Variants in KCND2 observed in about 807,000 individuals in gnomAD.
KCND2 encodes potassium voltage-gated channel subfamily D member 2, also known as A-type voltage-gated potassium channel KCND2.
Under a neutral mutation model 54.4 loss-of-function variants are expected in KCND2, and 16 were observed. The observed-to-expected ratio is 0.29, with a 90% CI of 0.20 to 0.45. KCND2 has a LOEUF of 0.45. Ranked by LOEUF, KCND2 falls within the 20% of genes least tolerant of loss-of-function variation. The probability of loss-of-function intolerance (pLI) is 1.00; values close to 1 mark genes in which losing one functional copy is unlikely to be tolerated. For synonymous variants in KCND2, 317 were observed against 310.7 expected, an observed-to-expected ratio of 1.02 and a Z score of -0.21; for missense variants, 486 against 824.2, an observed-to-expected ratio of 0.59 and a Z score of 5.02.
chr7:120,523,549 A>G (rs1367985866), intron 1 of KCND2, among the ~76,000 whole-genome samples: 1 of 149,970 alleles, frequency 6.7e-6, no homozygotes, highest in South Asian at 2.1e-4. Context: ...AAGTGGAAAA[A>G]AATTGCTATT....
chr7:120,688,257 T>C (rs1188371122), intron 1 of KCND2, among the ~76,000 whole-genome samples: 1 of 152,150 alleles, frequency 6.6e-6, no homozygotes, highest in African/African-American at 2.4e-5. Context: ...AGTAAATATT[T>C]TCACTTTTGT....
At chr7:120,493,994 G>T (rs962121872) in intron 1 of KCND2, among the ~76,000 whole-genome samples, 2 of 151,844 alleles carry the variant, frequency 1.3e-5, no homozygotes, top group African/African-American at 4.8e-5. Context: ...CTTATAAAAT[G>T]GTAAAGTCAT....
intron 1 of KCND2, 137 bp downstream of exon 1, chr7:120,275,884 T>C (rs994324049): frequency 1.0e-6 from 1 of 964,464 alleles, no homozygotes; most frequent in African/African-American, 1.6e-5. Flanking sequence ...CTAAATGGTT[T>C]GGCAAAACTC....
rs185775307 is a variant in KCND2, at chr7:120,328,909, G to A, written c.1115+53162G>A. On this transcript the variant is annotated intron_variant, in intron 1 of 5. Coordinates refer to ENST00000331113, the MANE Select transcript of KCND2 (RefSeq NM_012281.3). ...CTTTCAGTATTATTTAACAAATCAT[G>A]TTTTTATCTCTCTAAAGTCATTTGG... is the stretch of plus-strand genomic sequence containing the variant. Among the ~76,000 whole-genome samples the A allele has an allele frequency of 7.2e-5, 11 of 152,086 alleles. No homozygotes were observed. The East Asian group carries it at 2.1e-3, about 29-fold the overall frequency.
intron 1 of KCND2, among the ~76,000 whole-genome samples, chr7:120,308,832 C>T (rs1799686367): frequency 6.6e-6 from 1 of 152,066 alleles, no homozygotes; most frequent in Non-Finnish European, 1.5e-5. Flanking sequence ...CTGAATAAAG[C>T]AAATAAAGGA....
intron 1 of KCND2, among the ~76,000 whole-genome samples, chr7:120,651,760 C>G (rs1227061625): frequency 2.0e-5 from 3 of 152,222 alleles, no homozygotes; most frequent in Admixed American, 2.0e-4. Flanking sequence ...CTTCCTTTTT[C>G]TAAATTTAAA....
At chr7:120,315,851 A>T (rs73431905) in intron 1 of KCND2, among the ~76,000 whole-genome samples, 3,184 of 151,342 alleles carry the variant, frequency 0.021, 127 homozygotes, top group African/African-American at 0.073. Flanking sequence ...AGTGAGATGG[A>T]CTAAAAATTT....
At chr7:120,507,627 G>A (rs1469898181) in intron 1 of KCND2, among the ~76,000 whole-genome samples, 1 of 151,796 alleles carries the variant, frequency 6.6e-6, no homozygotes, top group Non-Finnish European at 1.5e-5. Context: ...TAGAATATGA[G>A]GTGACCTTAA....
chr7:120,619,921 A>C (rs781374633), intron 1 of KCND2, among the ~76,000 whole-genome samples: 9 of 152,176 alleles, frequency 5.9e-5, no homozygotes, highest in Non-Finnish European at 1.2e-4. Flanking sequence ...TATCATCCCT[A>C]GTCACGATGG....
chr7:120,546,964 C>T (rs1386643636), intron 1 of KCND2, among the ~76,000 whole-genome samples: 1 of 151,430 alleles, frequency 6.6e-6, no homozygotes, highest in African/African-American at 2.4e-5. Context: ...AATTTTTCTC[C>T]TCTGTCTCAC....
intron 1 of KCND2, among the ~76,000 whole-genome samples, chr7:120,533,442 A>G (rs2116367796): frequency 6.6e-6 from 1 of 152,248 alleles, no homozygotes; most frequent in East Asian, 1.9e-4. Flanking sequence ...AAGGATTTCT[A>G]ACATTTAAAA....
chr7:120,289,599 T>G (rs140594020), intron 1 of KCND2, among the ~76,000 whole-genome samples: 109 of 152,136 alleles, frequency 7.2e-4, no homozygotes, highest in African/African-American at 2.6e-3. Context: ...TACCTTACAC[T>G]TCTACCAAAG....
chr7:120,363,169 G>A (rs1479156338), intron 1 of KCND2, among the ~76,000 whole-genome samples: 1 of 152,090 alleles, frequency 6.6e-6, no homozygotes, highest in African/African-American at 2.4e-5. Flanking sequence ...GGTGGTGCAT[G>A]CCTGTAGTCA....
At chr7:120,639,513 C>T (rs565383402) in intron 1 of KCND2, among the ~76,000 whole-genome samples, 29 of 152,142 alleles carry the variant, frequency 1.9e-4, no homozygotes, top group Non-Finnish European at 4.0e-4. Context: ...GGGAAAAAAG[C>T]TGCATGTTCC....
chr7:120,650,561 C>T (rs1246028746), intron 1 of KCND2, among the ~76,000 whole-genome samples: 2 of 143,594 alleles, frequency 1.4e-5, no homozygotes, highest in Non-Finnish European at 3.0e-5. Context: ...TGGGTTCGAA[C>T]TTCCTCCTTT....
chr7:120,349,968 T>C (rs1243016827), intron 1 of KCND2, among the ~76,000 whole-genome samples: 2 of 152,058 alleles, frequency 1.3e-5, no homozygotes, highest in Non-Finnish European at 2.9e-5. Context: ...TTAATTATTT[T>C]TGATATGTAT....
chr7:120,677,589 A>T (rs1792083215), intron 1 of KCND2, among the ~76,000 whole-genome samples: 1 of 150,224 alleles, frequency 6.7e-6, no homozygotes, highest in Non-Finnish European at 1.5e-5. Context: ...AGATATATAA[A>T]ATACTCAATG....
At chr7:120,484,761 C>T (rs979574308) in intron 1 of KCND2, among the ~76,000 whole-genome samples, 6 of 150,450 alleles carry the variant, frequency 4.0e-5, no homozygotes, top group African/African-American at 7.4e-5. Flanking sequence ...TGAAGAAAAA[C>T]GTAAATTGAG....
intron 1 of KCND2, among the ~76,000 whole-genome samples, chr7:120,630,249 G>T (rs1793217019): frequency 1.3e-5 from 2 of 152,142 alleles, no homozygotes; most frequent in South Asian, 4.1e-4. Flanking sequence ...TCTTTGGTGA[G>T]TAAAAATTCA....
Sources: gnomAD v4.1 joint callset for allele counts (sites outside exome capture counted in the v4.1 genomes callset) on GRCh38, gnomAD v4.1.1 for gene constraint, MANE v1.5 for transcripts, NCBI Gene and HGNC (gene_info 2026-07-23, HGNC 2026-07-21) for gene names.